LAT2: variants seen among roughly 807,000 people sequenced by gnomAD.
The protein encoded by LAT2 is linker for activation of T cells family member 2.
Under a neutral mutation model 43.4 loss-of-function variants are expected in LAT2, and 23 were observed. The observed-to-expected ratio is 0.53, with a 90% CI of 0.38 to 0.75. LAT2 has a LOEUF of 0.75. Among genes scored for constraint, LAT2 ranks in the 30% least tolerant of loss-of-function variants. The probability of loss-of-function intolerance (pLI) is 0.00; values close to 1 mark genes in which losing one functional copy is unlikely to be tolerated. For missense variants in LAT2, 284 were observed against 310.2 expected (o/e 0.92, Z 0.64); for synonymous variants, 128 against 123.2 (o/e 1.04, Z -0.26).
At chr7:74,227,449 ACCT>A (rs1433947652) in intron 13 of LAT2, among the ~76,000 whole-genome samples, 1 of 151,888 alleles carries the variant, frequency 6.6e-6, no homozygotes, top group Non-Finnish European at 1.5e-5. Flanking sequence ...CAAACTCCTG[ACCT>A]AAAGTGATCG....
chr7:74,216,177 C>T, intron 3 of LAT2, 108 bp downstream of exon 3: 1 of 881,098 alleles, frequency 1.1e-6, no homozygotes. Context: ...GTCAGATGAA[C>T]CTCGTGATGT....
rs953852338 is a variant in LAT2 at position 74,221,808 on chromosome 7, G to A, written c.388+116G>A. On this transcript the variant is annotated intron_variant, in intron 10 of 13. Coordinates refer to ENST00000460943, the MANE Select transcript of LAT2 (RefSeq NM_032464.3). ...TGGGTTCGGGTAAATCGGCAGAGCC[G>A]GTTGGGTGGACAGAAGGAGGCTGGT... 90 of 863,318 alleles carry A rather than the reference G, an allele frequency of 1.0e-4. No individual in the cohort carries two copies. The East Asian group carries it at 1.5e-3, about 14-fold the overall frequency. 53.5% of individuals were successfully genotyped at this position (863,318 alleles called of 1,614,324 possible). A position where few individuals can be genotyped will look rare whatever the true frequency, so the allele number is the denominator to read the frequency against.
At chr7:74,214,361 AATAT>A (rs60209778) in intron 1 of LAT2, among the ~76,000 whole-genome samples, 1 of 43,938 alleles carries the variant, frequency 2.3e-5, no homozygotes, top group East Asian at 7.6e-4. Flanking sequence ...TATATATATA[AATAT>A]ATATATATGA....
intron 5 of LAT2, 46 bp from the exon 6 acceptor site, chr7:74,219,914 G>A: frequency 6.2e-7 from 1 of 1,612,782 alleles, no homozygotes; most frequent in Non-Finnish European, 8.5e-7. Flanking sequence ...GAGGGGGCTG[G>A]GCTAGCTGGG....
At chr7:74,210,236 C>G (rs1801685326) in intron 1 of LAT2, 148 bp downstream of exon 1, 1 of 152,852 alleles carries the variant, frequency 6.5e-6, no homozygotes, top group Non-Finnish European at 1.5e-5. Context: ...GGCTCTGTGG[C>G]ACTTCAGGGG....
intron 1 of LAT2, among the ~76,000 whole-genome samples, chr7:74,214,537 A>AAAAT (rs542728547): frequency 0.034 from 30 of 888 alleles, 10 homozygotes; most frequent in Admixed American, 0.33. Flanking sequence ...TATATATATG[A>AAAAT]ATATATATAT....
chr7:74,216,464 C>T (rs577769068), intron 3 of LAT2, among the ~76,000 whole-genome samples: 26 of 152,202 alleles, frequency 1.7e-4, no homozygotes, highest in African/African-American at 5.5e-4. Context: ...ATCCAACTCT[C>T]GGGTTGAAGC....
At chr7:74,227,775 G>GGTT (rs1322460198) in intron 13 of LAT2, among the ~76,000 whole-genome samples, 1 of 152,004 alleles carries the variant, frequency 6.6e-6, no homozygotes, top group Non-Finnish European at 1.5e-5. Flanking sequence ...CGGAGGTTGA[G>GGTT]GCGGGAGGAT....
chr7:74,212,187 C>T (rs988993357), intron 1 of LAT2, among the ~76,000 whole-genome samples: 3 of 152,074 alleles, frequency 2.0e-5, no homozygotes, highest in Non-Finnish European at 4.4e-5. Context: ...TCAAGCGATC[C>T]TCCTGTCTCG....
intron 5 of LAT2, 75 bp downstream of exon 5, chr7:74,219,862 C>A: frequency 1.2e-6 from 2 of 1,610,962 alleles, no homozygotes; most frequent in African/African-American, 2.7e-5. Context: ...TCCCCATTGA[C>A]CTGAGACCGT....
chr7:74,228,774 G>A (rs1232851690), intron 13 of LAT2, among the ~76,000 whole-genome samples, 170 bp from the exon 14 acceptor site: 3 of 151,680 alleles, frequency 2.0e-5, no homozygotes, highest in Non-Finnish European at 4.4e-5. Context: ...GGGTGACAGA[G>A]TGAGACTCCA....
chr7:74,227,164 C>T (rs1336835992), intron 13 of LAT2, among the ~76,000 whole-genome samples: 1 of 151,740 alleles, frequency 6.6e-6, no homozygotes, highest in Non-Finnish European at 1.5e-5. Context: ...GCCTCAGCCT[C>T]CCGAGTAGCT....
In LAT2 at chr7:74,216,789, C is replaced by T. The variant is rs782251842; in HGVS notation, c.95-36C>T. ...TGTCTGACCTCAGGTCGCAGCTGCT[C>T]CCAGACCCTTTGCTAATCCTGGCCT... is the stretch of plus-strand genomic sequence containing the variant. On this transcript the variant is annotated intron_variant, in intron 3 of 13. Transcript: ENST00000460943. The T allele has an allele frequency of 1.6e-5, 26 of 1,609,392 alleles. No individual in the cohort carries two copies. In the South Asian group the frequency reaches 2.8e-4, roughly 17 times the overall value.
In LAT2 at chr7:74,215,857, C is replaced by A. The variant is rs1279108911; in HGVS notation, c.-29-90C>A. The stretch of plus-strand genomic sequence containing the variant: ...GGAGGTGGTGTTTCCGCAGCCTAGG[C>A]TCAGGTATGGGGCTGTCCGAGCACA... On this transcript the variant is annotated intron_variant, in intron 2 of 13. Transcript: ENST00000460943. 7 of 890,452 alleles carry A rather than the reference C, an allele frequency of 7.9e-6. No individual in the cohort carries two copies. The Admixed American group carries it at 8.8e-5, about 11-fold the overall frequency. 55.2% of individuals were successfully genotyped at this position (890,452 alleles called of 1,614,324 possible).
intron 1 of LAT2, among the ~76,000 whole-genome samples, chr7:74,213,065 C>T (rs1801784617): frequency 6.6e-6 from 1 of 152,142 alleles, no homozygotes; most frequent in Non-Finnish European, 1.5e-5. Flanking sequence ...CCTGGTGGAC[C>T]TCAGGGGGAT....
At chr7:74,219,831 G>A (rs1554714816) in intron 5 of LAT2, 44 bp downstream of exon 5, 4 of 1,613,060 alleles carry the variant, frequency 2.5e-6, no homozygotes, top group African/African-American at 1.3e-5. Flanking sequence ...GGTTGGGGGT[G>A]TCCCTATCAA....
chr7:74,214,515 AATATATATAAATATATATATGAAT>A, intron 1 of LAT2, among the ~76,000 whole-genome samples: 1 of 8,458 alleles, frequency 1.2e-4, no homozygotes, highest in South Asian at 0.017. Flanking sequence ...TATATATGAA[AATATATATAAATATATATATGAAT>A]ATATATATAT....
intron 1 of LAT2, among the ~76,000 whole-genome samples, chr7:74,211,354 G>A (rs1554713142): frequency 6.6e-6 from 1 of 152,204 alleles, no homozygotes; most frequent in Non-Finnish European, 1.5e-5. Flanking sequence ...TCGGCTCACT[G>A]CAACCTCCAC....
At chr7:74,216,897 T>A (rs1802067064) in intron 4 of LAT2, 33 bp downstream of exon 4, 1 of 1,598,144 alleles carries the variant, frequency 6.3e-7, no homozygotes, top group Non-Finnish European at 8.6e-7. Context: ...GCCTGGTGTA[T>A]TCATGTGCCC....
Sources: allele counts gnomAD v4.1 joint callset (sites outside exome capture counted in the v4.1 genomes callset), GRCh38; gene constraint gnomAD v4.1.1; transcripts MANE v1.5; gene names NCBI Gene and HGNC (gene_info 2026-07-23, HGNC 2026-07-21).